PIP4P2: variants seen among roughly 807,000 people sequenced by gnomAD.
PIP4P2 encodes phosphatidylinositol-4,5-bisphosphate 4-phosphatase 2.
Under a neutral mutation model 33.3 loss-of-function variants are expected in PIP4P2, and 19 were observed. That is an observed-to-expected ratio of 0.57 (90% CI 0.40 to 0.84). The LOEUF (loss-of-function observed/expected upper bound fraction) is 0.84, where lower values mean the gene tolerates loss of function less well. PIP4P2 is among the 40% of genes least tolerant of loss of function. The pLI, the probability that PIP4P2 is intolerant of heterozygous loss-of-function variation, is 0.00. For missense variants in PIP4P2, 270 were observed against 324.7 expected, an observed-to-expected ratio of 0.83 and a Z score of 1.29; for synonymous variants, 110 against 111.9, an observed-to-expected ratio of 0.98 and a Z score of 0.11.
intron 3 of PIP4P2, among the ~76,000 whole-genome samples, chr8:91,019,409 AAAAAAAAAAAAAAAAT>A (rs1460487550): frequency 1.2e-3 from 164 of 141,200 alleles, no homozygotes; most frequent in African/African-American, 3.8e-3. Context: ...AAAAAAAAAA[AAAAAAAAAAAAAAAAT>A]ATATTACCTG....
chr8:91,010,441 G>A (rs1333506223), intron 4 of PIP4P2, among the ~76,000 whole-genome samples: 1 of 151,794 alleles, frequency 6.6e-6, no homozygotes, highest in Non-Finnish European at 1.5e-5. Context: ...AGATTGTTTA[G>A]TCCAATGTTA....
intron 4 of PIP4P2, among the ~76,000 whole-genome samples, chr8:91,009,198 AAAATT>A (rs1811800111): frequency 6.6e-6 from 1 of 152,088 alleles, no homozygotes; most frequent in African/African-American, 2.4e-5. Context: ...ATTCATTACT[AAAATT>A]AAACTATTTA....
chr8:90,997,088 T>C (rs1325069172), intron 5 of PIP4P2, among the ~76,000 whole-genome samples: 7 of 152,240 alleles, frequency 4.6e-5, no homozygotes, highest in Middle Eastern at 6.8e-3. Context: ...ACAAATAGCA[T>C]TTGATTTTTT....
intron 1 of PIP4P2, among the ~76,000 whole-genome samples, chr8:91,036,473 G>A (rs896066508): frequency 6.6e-6 from 1 of 152,110 alleles, no homozygotes; most frequent in East Asian, 1.9e-4. Flanking sequence ...AGATACCCTT[G>A]ACACTTCTCC....
intron 1 of PIP4P2, among the ~76,000 whole-genome samples, chr8:91,028,081 G>T (rs1029166628): frequency 6.6e-6 from 1 of 152,170 alleles, no homozygotes; most frequent in Non-Finnish European, 1.5e-5. Flanking sequence ...GAATACAGGT[G>T]GGTGCATTTA....
chr8:91,000,821 C>T (rs1811689731), intron 5 of PIP4P2, among the ~76,000 whole-genome samples: 1 of 151,832 alleles, frequency 6.6e-6, no homozygotes, highest in Admixed American at 6.6e-5. Flanking sequence ...TCCTAAAATG[C>T]CATATCCCAT....
intron 1 of PIP4P2, among the ~76,000 whole-genome samples, chr8:91,029,184 G>C (rs1812123624): frequency 1.3e-5 from 2 of 151,898 alleles, no homozygotes; most frequent in African/African-American, 4.8e-5. Context: ...CTAGCGACTC[G>C]GGAGGCTGAG....
chr8:91,028,220 GA>G (rs377670165), intron 1 of PIP4P2, among the ~76,000 whole-genome samples: 5 of 152,142 alleles, frequency 3.3e-5, no homozygotes, highest in African/African-American at 7.2e-5. Flanking sequence ...GTATATCTTA[GA>G]AAAAACTCTA....
At chr8:91,040,231 G>C (rs746222394) in intron 1 of PIP4P2, among the ~76,000 whole-genome samples, 2 of 152,168 alleles carry the variant, frequency 1.3e-5, no homozygotes, top group East Asian at 1.9e-4. Flanking sequence ...AATACTCCTG[G>C]TTTCTCAGCA....
intron 4 of PIP4P2, among the ~76,000 whole-genome samples, chr8:91,011,707 G>A (rs1811839209): frequency 2.0e-5 from 3 of 151,936 alleles, no homozygotes. Flanking sequence ...TTTGGAAAAC[G>A]CAAATCTGGC....
At chr8:91,008,285 A>G (rs1352257631) in intron 5 of PIP4P2, among the ~76,000 whole-genome samples, 2 of 152,166 alleles carry the variant, frequency 1.3e-5, no homozygotes, top group Admixed American at 6.5e-5. Context: ...GAAATAGGCT[A>G]AATAATTAAG....
intron 3 of PIP4P2, 34 bp downstream of exon 3, chr8:91,020,123 T>G (rs766615185): frequency 1.3e-6 from 2 of 1,599,706 alleles, no homozygotes; most frequent in South Asian, 2.2e-5. Flanking sequence ...AATGAACAAA[T>G]GAATGAATCA....
rs1812293208 is a variant in PIP4P2 at position 91,040,661 on chromosome 8, T to G, written c.89A>C (p.Gln30Pro). 1 of 1,613,724 alleles carries G rather than the reference T, an allele frequency of 6.2e-7. No individual in the cohort carries two copies. The highest frequency in any genetic ancestry group is 8.5e-7 in the Non-Finnish European group (1 of 1,180,024). ...NVTPTAPPYL[Q>P]ESSPRAELPP... ...GGCCTTACCTCTGGGGCTGCTTTCT[T>G]GCAAGTACGGTGGGGCGGTGGGAGT... Residue 30 changes from glutamine (Q) to proline (P), a missense_variant, in exon 1 of 7, where the codon CAA becomes CCA. Transcript: ENST00000285419.
chr8:91,000,561 AT>A (rs1435250616), intron 5 of PIP4P2, among the ~76,000 whole-genome samples: 1 of 151,788 alleles, frequency 6.6e-6, no homozygotes, highest in Admixed American at 6.6e-5. Context: ...TTCTCTTAGT[AT>A]TTTTGATGTA....
chr8:91,020,350 C>A, intron 2 of PIP4P2, 87 bp from the exon 3 acceptor site: 1 of 1,158,336 alleles, frequency 8.6e-7, no homozygotes, highest in Non-Finnish European at 1.3e-6. Flanking sequence ...GAAAGGATTC[C>A]ATTAAAACTA....
intron 4 of PIP4P2, among the ~76,000 whole-genome samples, chr8:91,012,020 T>C (rs925842499): frequency 3.3e-5 from 5 of 152,000 alleles, no homozygotes; most frequent in African/African-American, 2.4e-5. Context: ...GAGAATTCTC[T>C]CTCAGGAGAG....
chr8:91,025,692 G>A lies in PIP4P2; in HGVS notation c.107-4288C>T, dbSNP rs115792262. On this transcript the variant is annotated intron_variant, in intron 1 of 6. Transcript: ENST00000285419. The stretch of plus-strand genomic sequence containing the variant: ...CAGCTTAAAATGAGAGATATTTTAC[G>A]ATTATAAGAGGAGCAAGAAAAGTAT... Among the ~76,000 whole-genome samples, 38 of 152,282 alleles carry A rather than the reference G, an allele frequency of 2.5e-4. 1 individual carries two copies. The highest frequency in any genetic ancestry group is 8.4e-4 in the African/African-American group (35 of 41,560).
At chr8:91,000,538 T>C (rs760319617) in intron 5 of PIP4P2, among the ~76,000 whole-genome samples, 1 of 151,964 alleles carries the variant, frequency 6.6e-6, no homozygotes, top group Non-Finnish European at 1.5e-5. Context: ...ATAATACCAG[T>C]TTGACAGTTA....
chr8:91,008,865 C>G (rs1473953335), intron 4 of PIP4P2, 70 bp from the exon 5 acceptor site: 143 of 1,350,718 alleles, frequency 1.1e-4, no homozygotes, highest in Non-Finnish European at 1.4e-4. Context: ...TAAGACATTT[C>G]TTTTACTTTA....
Sources: allele counts gnomAD v4.1 joint callset (sites outside exome capture counted in the v4.1 genomes callset), GRCh38; gene constraint gnomAD v4.1.1; transcripts MANE v1.5; gene names NCBI Gene and HGNC (gene_info 2026-07-23, HGNC 2026-07-21).